SPATS2: variants seen among roughly 807,000 people sequenced by gnomAD.
SPATS2 encodes spermatogenesis associated serine rich 2.
Under a neutral mutation model 63.7 loss-of-function variants are expected in SPATS2, and 38 were observed. The ratio of observed to expected loss-of-function variants is 0.60; its 90% confidence interval spans 0.46 to 0.78. The LOEUF is 0.78. SPATS2 is among the 30% of genes least tolerant of loss of function. The pLI is 0.00. For synonymous variants in SPATS2, 207 were observed against 232.9 expected, an observed-to-expected ratio of 0.89 and a Z score of 1.01; for missense variants, 588 against 666.2, an observed-to-expected ratio of 0.88 and a Z score of 1.29.
intron 2 of SPATS2, among the ~76,000 whole-genome samples, chr12:49,438,890 G>A (rs1356962977): frequency 6.6e-6 from 1 of 152,120 alleles, no homozygotes; most frequent in Non-Finnish European, 1.5e-5. Flanking sequence ...GAATTATCAA[G>A]ATAATCAAAG....
At chr12:49,392,925 G>A (rs1479393550) in intron 2 of SPATS2, among the ~76,000 whole-genome samples, 4 of 152,114 alleles carry the variant, frequency 2.6e-5, no homozygotes, top group East Asian at 1.9e-4. Context: ...GGTGGCAGGC[G>A]CCCATAATCC....
chr12:49,401,974 ATTGATTGG>A (rs1403630197), intron 2 of SPATS2, among the ~76,000 whole-genome samples: 4 of 149,248 alleles, frequency 2.7e-5, no homozygotes, highest in South Asian at 2.1e-4. Flanking sequence ...TTATTGATTG[ATTGATTGG>A]TTGATTGATT....
chr12:49,421,424 A>C lies in SPATS2; in HGVS notation c.-243-39346A>C, dbSNP rs1476355863. 1.9e-3 allele frequency among the ~76,000 whole-genome samples: 278 copies of C among 149,992 alleles called. 1 individual carries two copies. Among genetic ancestry groups the C allele is most frequent in the African/African-American group, 6.4e-3 (263 of 41,060 alleles). ...AGAGCAAGACTTTGTCTCAAAAAAA[A>C]AAAAAAAAAAAAAAAAAAACAACCT... On this transcript the variant is annotated intron_variant, in intron 2 of 13. Coordinates refer to ENST00000552918, the MANE Select transcript of SPATS2 (RefSeq NM_023071.4).
intron 2 of SPATS2, among the ~76,000 whole-genome samples, chr12:49,399,898 G>A (rs554085997): frequency 2.0e-5 from 3 of 152,242 alleles, no homozygotes; most frequent in East Asian, 3.9e-4. Flanking sequence ...TTAGCCAGGC[G>A]TGGTGGCAGG....
At position 49,524,784 on chromosome 12, in the gene SPATS2, C is replaced by T. The variant is rs1329174430; in HGVS notation, c.1214C>T (p.Thr405Ile). The T allele has an allele frequency of 1.2e-6, 2 of 1,614,226 alleles. No homozygotes were observed. The highest frequency in any genetic ancestry group is 1.7e-6 in the Non-Finnish European group (2 of 1,180,044). ...PSDASAASSSTCASPPSLTSA... is the reference protein window; with the variant it reads ...PSDASAASSSICASPPSLTSA... ...GATGCCTCTGCTGCTTCCTCTTCCA[C>T]CTGTGCCTCTCCTCCCAGCCTTACA... Residue 405 changes from threonine to isoleucine, a missense_variant, in exon 13 of 14, where the codon ACC (threonine) becomes ATC (isoleucine). By Grantham distance (89) the Thr-to-Ile change is moderately conservative. Coordinates refer to ENST00000552918, the MANE Select transcript of SPATS2 (RefSeq NM_023071.4).
chr12:49,420,266 T>G (rs11169008), intron 2 of SPATS2, among the ~76,000 whole-genome samples: 1 of 152,142 alleles, frequency 6.6e-6, no homozygotes, highest in South Asian at 2.1e-4. Flanking sequence ...GTTAAGGGAT[T>G]AAAAAACAGG....
intron 2 of SPATS2, among the ~76,000 whole-genome samples, chr12:49,397,644 A>C (rs1944533552): frequency 6.6e-6 from 1 of 151,892 alleles, no homozygotes; most frequent in Non-Finnish European, 1.5e-5. Flanking sequence ...CCTGGGTAAC[A>C]TAACAAGACC....
chr12:49,466,113 T>C (rs1945910055), intron 3 of SPATS2, among the ~76,000 whole-genome samples: 1 of 152,008 alleles, frequency 6.6e-6, no homozygotes, highest in Non-Finnish European at 1.5e-5. Context: ...AGTTTTATAG[T>C]TTTATCTCAT....
At chr12:49,418,618 T>G (rs1944931137) in intron 2 of SPATS2, among the ~76,000 whole-genome samples, 1 of 152,054 alleles carries the variant, frequency 6.6e-6, no homozygotes, top group Non-Finnish European at 1.5e-5. Flanking sequence ...TTATTTTTAT[T>G]TTTTGTAGAG....
intron 2 of SPATS2, among the ~76,000 whole-genome samples, chr12:49,435,672 C>G (rs1256457767): frequency 4.6e-5 from 5 of 109,056 alleles, no homozygotes; most frequent in South Asian, 3.2e-4. Flanking sequence ...TTTAATTGAT[C>G]ATTCTTGGGT....
At chr12:49,506,679 T>C (rs930635617) in intron 9 of SPATS2, among the ~76,000 whole-genome samples, 1 of 152,092 alleles carries the variant, frequency 6.6e-6, no homozygotes, top group East Asian at 1.9e-4. Context: ...AGATCCCGTC[T>C]TTACAGAAAG....
At position 49,485,579 on chromosome 12, in the gene SPATS2, C is replaced by G. The variant is rs147520696; in HGVS notation, c.105+910C>G. Reference sequence around the variant, plus strand: ...GTTTCTCCCTGTTGGCCAGGGTGATCGCAAACTCCTGGCCTCAAGTGATCC... The same window carrying G: ...GTTTCTCCCTGTTGGCCAGGGTGATGGCAAACTCCTGGCCTCAAGTGATCC... On this transcript the variant is annotated intron_variant, in intron 4 of 13. Coordinates refer to ENST00000552918, the MANE Select transcript of SPATS2 (RefSeq NM_023071.4). Among the ~76,000 whole-genome samples the G allele has an allele frequency of 1.9e-3, 285 of 151,878 alleles. 1 individual carries two copies. Among genetic ancestry groups the G allele is most frequent in the African/African-American group, 6.3e-3 (262 of 41,376 alleles).
chr12:49,483,654 TAG>T (rs1317045708), intron 3 of SPATS2, among the ~76,000 whole-genome samples: 3 of 152,224 alleles, frequency 2.0e-5, no homozygotes, highest in African/African-American at 7.2e-5. Context: ...GAAAGTGTAC[TAG>T]AGTATTACCG....
Position 49,522,783 on chromosome 12 carries a change from T to C in SPATS2, c.1041T>C (p.Asp347=), listed in dbSNP as rs1206244364. The change falls in exon 12 of 14, where the codon GAT becomes GAC. Residue 347 remains aspartate, a synonymous_variant. Coordinates refer to ENST00000552918, the MANE Select transcript of SPATS2 (RefSeq NM_023071.4). ...TTAGTGAACGTAAATATGATGAGGA[T>C]CTGGGACGAGTAGCCCGGTTCACCT... ...HFVSERKYDE[D]LGRVARFTCD... is the part of the protein sequence containing the mutation. The C allele has an allele frequency of 1.2e-6, 2 of 1,613,740 alleles. No homozygotes were observed. The highest frequency in any genetic ancestry group is 2.2e-5 in the East Asian group (1 of 44,888).
intron 8 of SPATS2, among the ~76,000 whole-genome samples, chr12:49,498,888 G>C (rs1470712289): frequency 6.7e-6 from 1 of 149,766 alleles, no homozygotes; most frequent in Non-Finnish European, 1.5e-5. Context: ...CCGCCTCCCA[G>C]TGATTCTCCT....
upstream of SPATS2, chr12:49,366,878 T>G (rs1390238246): frequency 6.6e-6 from 1 of 151,072 alleles, no homozygotes; most frequent in East Asian, 2.0e-4. Flanking sequence ...GCTCGGGCCC[T>G]CCGTTCCCGG....
intron 10 of SPATS2, among the ~76,000 whole-genome samples, chr12:49,516,165 AAATATATATATATATATAT>A (rs2086076797): frequency 7.0e-5 from 1 of 14,204 alleles, no homozygotes; most frequent in Non-Finnish European, 1.1e-4. Context: ...AAAAAAAAAA[AAATATATATATATATATAT>A]ATATATATAT....
chr12:49,490,795 C>A, intron 6 of SPATS2, 64 bp downstream of exon 6: 3 of 1,464,568 alleles, frequency 2.0e-6, no homozygotes, highest in African/African-American at 1.4e-5. Context: ...TTAGGCTCTG[C>A]AAAAATATTT....
intron 7 of SPATS2, among the ~76,000 whole-genome samples, chr12:49,496,005 T>C (rs1305781090): frequency 6.6e-6 from 1 of 152,196 alleles, no homozygotes; most frequent in Non-Finnish European, 1.5e-5. Flanking sequence ...AATTTCTCTT[T>C]TAAAACATTA....
Sources: allele counts gnomAD v4.1 joint callset (sites outside exome capture counted in the v4.1 genomes callset), GRCh38; gene constraint gnomAD v4.1.1; transcripts MANE v1.5; gene names NCBI Gene and HGNC (gene_info 2026-07-23, HGNC 2026-07-21).